EPC2: variants seen among roughly 807,000 people sequenced by gnomAD.
EPC2 encodes the protein enhancer of polycomb 2.
EPC2 carries 14 observed loss-of-function variants against 92.1 expected under a neutral mutation model. The observed-to-expected ratio is 0.15, with a 90% CI of 0.10 to 0.24. EPC2 has a LOEUF of 0.24. Among genes scored for constraint, EPC2 ranks in the 10% least tolerant of loss-of-function variants. The pLI, the probability that EPC2 is intolerant of heterozygous loss-of-function variation, is 1.00. For synonymous variants in EPC2, 340 were observed against 334.7 expected, an observed-to-expected ratio of 1.02 and a Z score of -0.17; for missense variants, 755 against 971.5, an observed-to-expected ratio of 0.78 and a Z score of 2.96.
At chr2:148,664,522 T>C (rs1681020084) in intron 1 of EPC2, among the ~76,000 whole-genome samples, 1 of 152,194 alleles carries the variant, frequency 6.6e-6, no homozygotes, top group Non-Finnish European at 1.5e-5. Context: ...AAACATTTAT[T>C]GAGGTATAGT....
intron 6 of EPC2, among the ~76,000 whole-genome samples, chr2:148,764,382 CCAGATG>C (rs747787609): frequency 6.6e-6 from 1 of 152,162 alleles, no homozygotes; most frequent in Non-Finnish European, 1.5e-5. Flanking sequence ...AGTGTCTTTG[CCAGATG>C]GCCTCTCAGG....
At chr2:148,656,026 G>GTGTGTGTGTGTGTGTGT (rs1230427174) in intron 1 of EPC2, among the ~76,000 whole-genome samples, 52 of 84,158 alleles carry the variant, frequency 6.2e-4, no homozygotes, top group East Asian at 2.6e-3. Flanking sequence ...TGTGTGTGTG[G>GTGTGTGTGTGTGTGTGT]GGGGGGGGGG....
At chr2:148,684,511 G>A (rs1681473699) in intron 1 of EPC2, among the ~76,000 whole-genome samples, 2 of 152,212 alleles carry the variant, frequency 1.3e-5, no homozygotes, top group Admixed American at 6.5e-5. Context: ...GGTGAAAGCT[G>A]AGGATCCAAC....
intron 2 of EPC2, among the ~76,000 whole-genome samples, chr2:148,733,593 G>A (rs567119323): frequency 7.3e-6 from 1 of 136,402 alleles, no homozygotes; most frequent in African/African-American, 2.7e-5. Flanking sequence ...GAGCTCCTGG[G>A]CTCCAGCCAT....
At position 148,662,053 on chromosome 2, in the gene EPC2, A is replaced by G. The variant is rs551277845; in HGVS notation, c.153+16883A>G. Among the ~76,000 whole-genome samples the G allele has an allele frequency of 1.1e-4, 16 of 152,354 alleles. No individual in the cohort carries two copies. The South Asian group carries it at 2.7e-3, about 26-fold the overall frequency. On this transcript the variant is annotated intron_variant, in intron 1 of 13. Transcript: ENST00000258484. The stretch of plus-strand genomic sequence containing the variant: ...AAAGAAGACATTTATGCAGCCAAAA[A>G]ACACATGAAAAAATGCTCATCATCA...
chr2:148,755,385 A>G (rs868829708), intron 4 of EPC2, among the ~76,000 whole-genome samples: 1 of 152,302 alleles, frequency 6.6e-6, no homozygotes, highest in East Asian at 1.9e-4. Flanking sequence ...CATTAAAAAA[A>G]AACCCTGAAC....
intron 1 of EPC2, among the ~76,000 whole-genome samples, chr2:148,676,944 C>G (rs1043348725): frequency 6.6e-6 from 1 of 151,768 alleles, no homozygotes; most frequent in Non-Finnish European, 1.5e-5. Context: ...AAGGAAATCA[C>G]GTAGTGCCTG....
At chr2:148,750,446 T>C (rs530341765) in intron 3 of EPC2, among the ~76,000 whole-genome samples, 1 of 152,236 alleles carries the variant, frequency 6.6e-6, no homozygotes, top group Non-Finnish European at 1.5e-5. Flanking sequence ...AGGAGAACTT[T>C]ATAACTCTAC....
At chr2:148,739,929 T>C (rs774115003) in intron 2 of EPC2, among the ~76,000 whole-genome samples, 3 of 150,134 alleles carry the variant, frequency 2.0e-5, no homozygotes, top group Non-Finnish European at 3.0e-5. Context: ...CTTATTAGCT[T>C]TGTCAATATC....
intron 4 of EPC2, among the ~76,000 whole-genome samples, chr2:148,759,126 C>G (rs770881024): frequency 2.0e-5 from 3 of 152,118 alleles, no homozygotes; most frequent in Non-Finnish European, 4.4e-5. Flanking sequence ...GAATCTTGCT[C>G]TTGTCGCCCA....
rs143494731 is a variant in EPC2, at chr2:148,714,558, A to T, written c.313+24185A>T. Among the ~76,000 whole-genome samples, 1,090 of 152,228 alleles carry T rather than the reference A, an allele frequency of 7.2e-3. 6 individuals are homozygous for T. The highest frequency in any genetic ancestry group is 0.025 in the African/African-American group (1,024 of 41,530). On this transcript the variant is annotated intron_variant, in intron 2 of 13. Transcript: ENST00000258484. The stretch of plus-strand genomic sequence containing the variant: ...TGTAAAAGCGTTCCTTTTCCTCCAC[A>T]ACCTTGCCAGCATCTGTTGTTTTTT...
At chr2:148,743,812 A>G (rs559151807) in intron 3 of EPC2, 45 bp downstream of exon 3, 25 of 1,428,668 alleles carry the variant, frequency 1.7e-5, no homozygotes, top group South Asian at 1.4e-4. Context: ...AGTTAACCCA[A>G]TTTGCACCTT....
rs1379265415 is a variant in EPC2 at position 148,753,922 on chromosome 2, T to A, written c.460-5T>A. On this transcript the variant is annotated splice_polypyrimidine_tract_variant and splice_region_variant and intron_variant, in intron 3 of 13. Coordinates refer to ENST00000258484, the MANE Select transcript of EPC2 (RefSeq NM_015630.4). ...AGCCAATGACATTTTGTATTTTTCA[T>A]TTAGCTTGTAACACTTCAAGAAGCA... is the stretch of plus-strand genomic sequence containing the variant. 2 of 1,602,762 alleles carry A rather than the reference T, an allele frequency of 1.2e-6. No individual in the cohort carries two copies. The highest frequency in any genetic ancestry group is 1.7e-6 in the Non-Finnish European group (2 of 1,174,684).
At chr2:148,684,536 C>G (rs894829497) in intron 1 of EPC2, among the ~76,000 whole-genome samples, 3 of 152,174 alleles carry the variant, frequency 2.0e-5, no homozygotes, top group African/African-American at 7.2e-5. Context: ...TTCTTCTACA[C>G]GTAACAGTGC....
rs373177895 is a variant in EPC2 at position 148,645,217 on chromosome 2, C to T, written c.153+47C>T. Reference sequence around the variant, plus strand: ...ACCCCCCCTTCCCTCCTCCCCCCTCCCCTTTGTCAGTCGGGCCTCGCCATT... The same window carrying T: ...ACCCCCCCTTCCCTCCTCCCCCCTCTCCTTTGTCAGTCGGGCCTCGCCATT... On this transcript the variant is annotated intron_variant, in intron 1 of 13. Coordinates refer to ENST00000258484, the MANE Select transcript of EPC2 (RefSeq NM_015630.4). 6 of 1,478,290 alleles carry T rather than the reference C, an allele frequency of 4.1e-6. No homozygotes were observed. In the African/African-American group the frequency reaches 4.2e-5, roughly 10 times the overall value. The allele number at this position is 1,478,290 out of a possible 1,614,324, so 91.6% of individuals were successfully genotyped here. A position where few individuals can be genotyped will look rare whatever the true frequency, so the allele number is the denominator to read the frequency against.
chr2:148,765,742 ATATT>A (rs1683395545), intron 7 of EPC2, among the ~76,000 whole-genome samples: 1 of 152,202 alleles, frequency 6.6e-6, no homozygotes, highest in Non-Finnish European at 1.5e-5. Context: ...TTTACTTTAT[ATATT>A]AAAAGATCCG....
intron 3 of EPC2, among the ~76,000 whole-genome samples, chr2:148,744,989 G>GCTCCC (rs1682953005): frequency 6.5e-5 from 3 of 46,296 alleles, no homozygotes; most frequent in Non-Finnish European, 9.9e-5. Context: ...CTATCAGTTT[G>GCTCCC]CCCCCCCCCC....
intron 2 of EPC2, chr2:148,692,583 TCTTTGA>T (rs1681666860): frequency 6.6e-6 from 1 of 152,344 alleles, no homozygotes; most frequent in East Asian, 1.9e-4. Flanking sequence ...TCTCCTGTGT[TCTTTGA>T]CTTTGAGTCC....
In EPC2 at chr2:148,676,541, ATTAG is replaced by A. The variant is rs567290835; in HGVS notation, c.154-13668_154-13665del. Among the ~76,000 whole-genome samples the A allele has an allele frequency of 2.7e-3, 410 of 152,284 alleles. 4 individuals carry two copies. Among genetic ancestry groups the A allele is most frequent in the African/African-American group, 9.3e-3 (386 of 41,580 alleles). Reference sequence around the variant, plus strand: ...CACAGAAAAAAATAACAATCACTTAATTAGTTAGCATTTTGTGGTATATTCTATT... The same window carrying A: ...CACAGAAAAAAATAACAATCACTTAATTAGCATTTTGTGGTATATTCTATT... On this transcript the variant is annotated intron_variant, in intron 1 of 13. Coordinates refer to ENST00000258484, the MANE Select transcript of EPC2 (RefSeq NM_015630.4).
Sources: allele counts gnomAD v4.1 joint callset (sites outside exome capture counted in the v4.1 genomes callset), GRCh38; gene constraint gnomAD v4.1.1; transcripts MANE v1.5; gene names NCBI Gene and HGNC (gene_info 2026-07-23, HGNC 2026-07-21).